DLG2: variants seen among roughly 807,000 people sequenced by gnomAD.
DLG2 encodes disks large homolog 2.
In DLG2, 45 loss-of-function variants were observed where a neutral mutation model predicts 132.5. The observed-to-expected ratio is 0.34, with a 90% CI of 0.27 to 0.44. DLG2 has a LOEUF of 0.44. Among genes scored for constraint, DLG2 ranks in the 20% least tolerant of loss-of-function variants. DLG2 has a pLI of 1.00. For missense variants in DLG2, 1,045 were observed against 1,196.9 expected (o/e 0.87, Z 1.87); for synonymous variants, 424 against 419.6 (o/e 1.01, Z -0.13).
At chr11:85,496,785 G>C (rs1013154653) in intron 3 of DLG2, among the ~76,000 whole-genome samples, 1 of 152,184 alleles carries the variant, frequency 6.6e-6, no homozygotes, top group Non-Finnish European at 1.5e-5. Flanking sequence ...CAGGCAAACA[G>C]GGTCTGGAGC....
chr11:84,502,902 CAT>C (rs1220154284), intron 7 of DLG2, among the ~76,000 whole-genome samples: 1 of 152,140 alleles, frequency 6.6e-6, no homozygotes, highest in Non-Finnish European at 1.5e-5. Context: ...CATCATCACT[CAT>C]ATTTCCAGAG....
intron 6 of DLG2, among the ~76,000 whole-genome samples, chr11:84,696,709 G>A (rs536106939): frequency 6.6e-6 from 1 of 151,482 alleles, no homozygotes; most frequent in South Asian, 2.1e-4. Flanking sequence ...AGGAAGAAGT[G>A]AGAAATGAAA....
intron 19 of DLG2, among the ~76,000 whole-genome samples, chr11:83,629,058 C>T (rs1199565915): frequency 6.6e-6 from 1 of 152,096 alleles, no homozygotes; most frequent in Non-Finnish European, 1.5e-5. Flanking sequence ...CTCTTGGTTA[C>T]CTCATATCAG....
At chr11:84,496,329 G>T (rs2099183817) in intron 7 of DLG2, among the ~76,000 whole-genome samples, 1 of 152,156 alleles carries the variant, frequency 6.6e-6, no homozygotes, top group South Asian at 2.1e-4. Context: ...ATAGCTTGGG[G>T]TGAGCTCTGT....
intron 3 of DLG2, among the ~76,000 whole-genome samples, chr11:85,386,821 A>T (rs187559772): frequency 2.5e-4 from 38 of 151,746 alleles, no homozygotes; most frequent in Non-Finnish European, 4.6e-4. Context: ...AACAGGAAAG[A>T]AAGAGAGAAA....
rs2092695094 is a variant in DLG2 at position 83,980,648 on chromosome 11, A to T, written c.920-6T>A. ...TGCAATACTGAAGCCTAAACCTATAAGAAAGGAACAGAAAATGGAAAGCCT... is the reference window on the plus strand; with the variant it reads ...TGCAATACTGAAGCCTAAACCTATATGAAAGGAACAGAAAATGGAAAGCCT... On this transcript the variant is annotated splice_region_variant and splice_polypyrimidine_tract_variant and intron_variant, in intron 11 of 27. Transcript: ENST00000376104. 6 of 1,560,226 alleles carry T rather than the reference A, an allele frequency of 3.8e-6. No homozygotes were observed. Among genetic ancestry groups the T allele is most frequent in the Non-Finnish European group, 5.2e-6 (6 of 1,158,150 alleles).
rs1203038787 is a variant in DLG2 at position 83,484,170 on chromosome 11, T to C, written c.2252A>G (p.Lys751Arg). Reference sequence around the variant, plus strand: ...TTCCTGCTCACTCTGCTCCTTGTTCTTGTAGAATGGGAATTTTCGTGAAAA... The same window carrying C: ...TTCCTGCTCACTCTGCTCCTTGTTCCTGTAGAATGGGAATTTTCGTGAAAA... ...FIFSRKFPFYKNKEQSEQETS... is the reference protein window; with the variant it reads ...FIFSRKFPFYRNKEQSEQETS... The change falls in exon 22 of 28, where the codon AAG becomes AGG. Residue 751 changes from lysine (K) to arginine (R), a missense_variant. Lys to Arg is a conservative substitution (Grantham distance 26, BLOSUM62 2). This residue lies in a region of DLG2 where 398 missense variants were observed against 543.6 expected (regional missense o/e 0.73). Transcript: ENST00000376104. The C allele has an allele frequency of 1.9e-6, 3 of 1,613,390 alleles. No individual in the cohort carries two copies. The highest frequency in any genetic ancestry group is 2.5e-6 in the Non-Finnish European group (3 of 1,179,604).
At chr11:85,089,055 C>T (rs576060625) in intron 6 of DLG2, among the ~76,000 whole-genome samples, 25 of 152,320 alleles carry the variant, frequency 1.6e-4, no homozygotes, top group Non-Finnish European at 3.4e-4. Context: ...AGCAGAGCTC[C>T]TTACCACTTG....
At chr11:85,278,588 A>G (rs2078039228) in intron 4 of DLG2, among the ~76,000 whole-genome samples, 1 of 152,070 alleles carries the variant, frequency 6.6e-6, no homozygotes, top group Non-Finnish European at 1.5e-5. Context: ...CAACAAAAGC[A>G]AAACTCTGCC....
chr11:84,746,338 A>G (rs552026607), intron 6 of DLG2, among the ~76,000 whole-genome samples: 1 of 151,922 alleles, frequency 6.6e-6, no homozygotes, highest in South Asian at 2.1e-4. Context: ...ATTCTTTACT[A>G]CTGAATAAAG....
chr11:85,458,106 A>G (rs1479388835), intron 3 of DLG2, among the ~76,000 whole-genome samples: 4 of 152,088 alleles, frequency 2.6e-5, no homozygotes, highest in East Asian at 3.9e-4. Context: ...ACATAATCCC[A>G]TATTTCTTGG....
At chr11:84,774,339 A>G (rs2070011257) in intron 6 of DLG2, among the ~76,000 whole-genome samples, 1 of 152,208 alleles carries the variant, frequency 6.6e-6, no homozygotes, top group African/African-American at 2.4e-5. Context: ...AGATTGGAAG[A>G]ATCAATATCA....
intron 18 of DLG2, among the ~76,000 whole-genome samples, chr11:83,698,231 G>A (rs1300748774): frequency 1.3e-5 from 2 of 152,190 alleles, no homozygotes; most frequent in Admixed American, 1.3e-4. Flanking sequence ...TTTGCTGAGA[G>A]GGAAATGTTC....
At chr11:85,405,203 T>C (rs1186689206) in intron 3 of DLG2, among the ~76,000 whole-genome samples, 1 of 151,966 alleles carries the variant, frequency 6.6e-6, no homozygotes, top group African/African-American at 2.4e-5. Flanking sequence ...GATTTTAATG[T>C]TTCATTTTAT....
At chr11:85,509,170 G>A (rs777591280) in intron 3 of DLG2, among the ~76,000 whole-genome samples, 2 of 151,130 alleles carry the variant, frequency 1.3e-5, no homozygotes, top group Admixed American at 6.6e-5. Flanking sequence ...TTTTAATCAC[G>A]GTTCAAGGAA....
At chr11:83,477,204 A>G (rs1464870237) in intron 22 of DLG2, among the ~76,000 whole-genome samples, 1 of 152,130 alleles carries the variant, frequency 6.6e-6, no homozygotes, top group African/African-American at 2.4e-5. Context: ...TCCTCAATAT[A>G]CTTGCCTAGT....
At chr11:83,609,745 A>C (rs2059844811) in intron 19 of DLG2, among the ~76,000 whole-genome samples, 1 of 152,118 alleles carries the variant, frequency 6.6e-6, no homozygotes, top group Non-Finnish European at 1.5e-5. Flanking sequence ...TTTCCAAGCA[A>C]AAAAAACCCT....
chr11:83,542,076 GA>G (rs1034043945), intron 19 of DLG2, among the ~76,000 whole-genome samples: 25 of 83,212 alleles, frequency 3.0e-4, no homozygotes, highest in African/African-American at 1.4e-3. Context: ...GTGGCCTATA[GA>G]TTCCCCCAAA....
At chr11:85,338,553 G>A (rs2082279148) in intron 3 of DLG2, among the ~76,000 whole-genome samples, 4 of 151,896 alleles carry the variant, frequency 2.6e-5, no homozygotes, top group South Asian at 2.1e-4. Flanking sequence ...GGTGTGTGAA[G>A]GGTATCTGAA....
Sources: allele counts gnomAD v4.1 joint callset (sites outside exome capture counted in the v4.1 genomes callset), GRCh38; gene constraint gnomAD v4.1.1; regional missense constraint gnomAD v4.1.1; transcripts MANE v1.5; gene names NCBI Gene and HGNC (gene_info 2026-07-23, HGNC 2026-07-21).